SPOCD1: variants seen among roughly 807,000 people sequenced by gnomAD.
The protein encoded by SPOCD1 is SPOC domain-containing protein 1.
In SPOCD1, 64 loss-of-function variants were observed where a neutral mutation model predicts 92.2. The observed-to-expected ratio is 0.69, with a 90% CI of 0.57 to 0.86. SPOCD1 has a LOEUF of 0.86. Ranked by LOEUF, SPOCD1 falls within the 40% of genes least tolerant of loss-of-function variation. The pLI is 0.00. For synonymous variants in SPOCD1, 578 were observed against 619.3 expected (o/e 0.93, Z 0.99); for missense variants, 1,360 against 1,543.1 (o/e 0.88, Z 1.99).
rs755833869 is a variant in SPOCD1, at chr1:31,790,901, C to T, written c.3353G>A (p.Arg1118His). The T allele has an allele frequency of 4.2e-5, 66 of 1,582,928 alleles. No homozygotes were observed. Among genetic ancestry groups the T allele is most frequent in the Admixed American group, 8.9e-5 (5 of 55,988 alleles). ...TACTGAATAGGGATGCTGGGACTGG[C>T]GCAAGCCTGGCTCTGGGGGCCACTG... ...RGQWPPEPGL[R>H]QSQHPYSVAP... The change falls in exon 16 of 16, where the codon CGC becomes CAC. Residue 1118 changes from arginine to histidine, a missense_variant. Physicochemically the swap from Arg to His is conservative, Grantham distance 29. Around this residue, in one of 3 missense-constraint regions of SPOCD1, gnomAD observed 614 missense variants for 757.8 expected, o/e 0.81. Transcript: ENST00000360482.
Position 31,814,402 on chromosome 1 carries a change from C to G in SPOCD1, c.932G>C (p.Gly311Ala). The change falls in exon 2 of 16, where the codon GGA becomes GCA. Residue 311 changes from glycine to alanine, a missense_variant. Gly to Ala is a moderately conservative substitution (Grantham distance 60). Transcript: ENST00000360482. This position sits in a 1 kb window ranked among gnomAD's most constrained non-coding sequence, Gnocchi z 4.2. ...CGPVGFPVPS[G>A]GESLSSAAQA... is the part of the protein sequence containing the mutation. Reference sequence around the variant, plus strand: ...TGCAGCTGAACTGAGGGACTCCCCTCCACTGGGCACTGGGAACCCGACAGG... The same window carrying G: ...TGCAGCTGAACTGAGGGACTCCCCTGCACTGGGCACTGGGAACCCGACAGG... 1.2e-6 allele frequency: 2 copies of G among 1,609,366 alleles called. No homozygotes were observed. The highest frequency in any genetic ancestry group is 1.7e-6 in the Non-Finnish European group (2 of 1,177,922).
Position 31,798,188 on chromosome 1 carries a change from G to T in SPOCD1, c.2145+19C>A. Reference sequence around the variant, plus strand: ...GCCCCTACATCCCCTCACCCATCCCGACTGGGCTCAGCACTCACCCTTTTC... The same window carrying T: ...GCCCCTACATCCCCTCACCCATCCCTACTGGGCTCAGCACTCACCCTTTTC... On this transcript the variant is annotated intron_variant, in intron 9 of 15. Coordinates refer to ENST00000360482, the MANE Select transcript of SPOCD1 (RefSeq NM_144569.7). This position sits in a 1 kb window ranked among gnomAD's most constrained non-coding sequence, Gnocchi z 4.1. 6.3e-7 allele frequency: 1 copy of T among 1,597,128 alleles called. No homozygotes were observed. The highest frequency in any genetic ancestry group is 8.6e-7 in the Non-Finnish European group (1 of 1,164,850).
chr1:31,794,373 CAT>C, intron 10 of SPOCD1, 138 bp from the exon 11 acceptor site: 1 of 506,048 alleles, frequency 2.0e-6, no homozygotes, highest in South Asian at 4.1e-5. Flanking sequence ...ACTGTGAACT[CAT>C]AAAGAAAATT....
At chr1:31,813,830 G>C (rs1452827381) in intron 2 of SPOCD1, 121 bp downstream of exon 2, 2 of 859,134 alleles carry the variant, frequency 2.3e-6, no homozygotes, top group Non-Finnish European at 3.4e-6. Flanking sequence ...TTAGTTAATA[G>C]GGATGTGAGA....
At position 31,799,501 on chromosome 1, in the gene SPOCD1, G is replaced by A. The variant is rs375588501; in HGVS notation, c.1784-16C>T. ...TGGAGCTGAGCTGTAGGGAGAGAGC[G>A]TCACAGGCTCCCAGGGGTGCCCAGG... On this transcript the variant is annotated splice_polypyrimidine_tract_variant and intron_variant, in intron 6 of 15. Coordinates refer to ENST00000360482, the MANE Select transcript of SPOCD1 (RefSeq NM_144569.7). The A allele has an allele frequency of 3.6e-5, 57 of 1,603,926 alleles. No individual in the cohort carries two copies. The highest frequency in any genetic ancestry group is 1.6e-4 in the Middle Eastern group (1 of 6,076).
At chr1:31,795,363 A>G (rs1231835182) in intron 10 of SPOCD1, 1 of 152,238 alleles carries the variant, frequency 6.6e-6, no homozygotes, top group African/African-American at 2.4e-5. Flanking sequence ...CCTTGGTGCC[A>G]GGTTCCTCAT....
chr1:31,798,522 C>T lies in SPOCD1; in HGVS notation c.1948G>A (p.Asp650Asn). The T allele has an allele frequency of 1.2e-6, 2 of 1,613,964 alleles. No homozygotes were observed. Among genetic ancestry groups the T allele is most frequent in the Non-Finnish European group, 8.5e-7 (1 of 1,180,026 alleles). The change falls in exon 8 of 16, where the codon GAC becomes AAC. Residue 650 changes from aspartate to asparagine, a missense_variant. Asp to Asn is a conservative substitution (Grantham distance 23). Transcript: ENST00000360482. The surrounding 1 kb of genome is among the most constrained non-coding windows in gnomAD (Gnocchi z 4.1). ...IAAGIEAALW[D>N]LTQGTNGRYK... ...CGGCCATTGGTGCCTTGTGTCAGGTCCCAGAGGGCTGCCTCAATGCCAGCA... is the reference window on the plus strand; with the variant it reads ...CGGCCATTGGTGCCTTGTGTCAGGTTCCAGAGGGCTGCCTCAATGCCAGCA...
chr1:31,811,691 T>C (rs1039614124), intron 2 of SPOCD1, among the ~76,000 whole-genome samples: 22 of 152,272 alleles, frequency 1.4e-4, no homozygotes, highest in Middle Eastern at 3.4e-3. Context: ...GTGCCCCCCA[T>C]TGCCCAGGCC....
intron 3 of SPOCD1, among the ~76,000 whole-genome samples, chr1:31,801,096 CTTACACTCTGTAAGGCTGCTGA>C (rs1648435321): frequency 6.6e-6 from 1 of 152,200 alleles, no homozygotes; most frequent in Non-Finnish European, 1.5e-5. Flanking sequence ...ATCTGTAAGG[CTTACACTCTGTAAGGCTGCTGA>C]TCACTCCCCT....
At chr1:31,801,828 C>CA (rs772746749) in intron 2 of SPOCD1, 123 bp from the exon 3 acceptor site, 50 of 831,514 alleles carry the variant, frequency 6.0e-5, no homozygotes, top group Non-Finnish European at 9.8e-5. Context: ...CTGAGTTGTA[C>CA]TTACAGCAAA....
chr1:31,800,194 T>C, intron 4 of SPOCD1, 53 bp from the exon 5 acceptor site: 1 of 1,532,932 alleles, frequency 6.5e-7, no homozygotes, highest in Non-Finnish European at 8.7e-7. Flanking sequence ...CCAGGGACTG[T>C]TCCCTCCCCA....
In SPOCD1 at chr1:31,790,852, G is replaced by A; in HGVS notation, c.3402C>T (p.Gly1134=). 1.9e-6 allele frequency: 3 copies of A among 1,551,616 alleles called. No individual in the cohort carries two copies. The highest frequency in any genetic ancestry group is 1.4e-5 in the African/African-American group (1 of 73,248). ...AGTCCCTGTGGAAGTGCTGGCCACG[G>A]CCAAAGCCATGACCAGCTGGTGCTA... The part of the protein sequence containing the change: ...YSVAPAGHGF[G]RGQHFHRDSC... Residue 1134 remains glycine (G), a synonymous_variant, in exon 16 of 16, where the codon GGC becomes GGT. Transcript: ENST00000360482.
chr1:31,814,137 G>A lies in SPOCD1; in HGVS notation c.1197C>T (p.Ser399=), dbSNP rs771140519. Residue 399 remains serine (S), a synonymous_variant, in exon 2 of 16, where the codon TCC becomes TCT. Transcript: ENST00000360482. The surrounding 1 kb of genome is among the most constrained non-coding windows in gnomAD (Gnocchi z 4.2). ...SSREPLGGLS[S]SLDTEASRAC... ...CCCTGCTGGCTTCAGTATCCAGGGA[G>A]GAGCTGAGGCCGCCCAAGGGCTCCC... The A allele has an allele frequency of 3.1e-6, 5 of 1,594,158 alleles. No individual in the cohort carries two copies. The highest frequency in any genetic ancestry group is 2.2e-5 in the South Asian group (2 of 89,516).
intron 4 of SPOCD1, 55 bp from the exon 5 acceptor site, chr1:31,800,196 C>T (rs1648348315): frequency 1.3e-6 from 2 of 1,531,914 alleles, no homozygotes; most frequent in Admixed American, 2.3e-5. Flanking sequence ...AGGGACTGTT[C>T]CCTCCCCAGA....
At chr1:31,792,002 T>G (rs149232296) in intron 15 of SPOCD1, 2 of 603,036 alleles carry the variant, frequency 3.3e-6, no homozygotes, top group African/African-American at 3.7e-5. Context: ...ACTACAAGAA[T>G]TCATCTAGGT....
In SPOCD1 at chr1:31,800,084, G is replaced by T. The variant is rs1342197008; in HGVS notation, c.1660C>A (p.Pro554Thr). 4 of 1,606,374 alleles carry T rather than the reference G, an allele frequency of 2.5e-6. No individual in the cohort carries two copies. Among genetic ancestry groups the T allele is most frequent in the Admixed American group, 3.5e-5 (2 of 57,040 alleles). Residue 554 changes from proline to threonine, a missense_variant, in exon 5 of 16, where the codon CCC becomes ACC. By Grantham distance (38) the Pro-to-Thr change is conservative. This residue lies in a region of SPOCD1 where 606 missense variants were observed against 601.5 expected (regional missense o/e 1.01). Coordinates refer to ENST00000360482, the MANE Select transcript of SPOCD1 (RefSeq NM_144569.7). ...GAACCGCTTCTTGGAGGGTAGAAGG[G>T]GTCAGAGAGGCCACCAGGGTCCCCT... Reference protein sequence around the residue: ...TAGDPGGLSDPFYPPRSGSLA... With the variant: ...TAGDPGGLSDTFYPPRSGSLA...
intron 2 of SPOCD1, among the ~76,000 whole-genome samples, chr1:31,806,278 C>A (rs186667663): frequency 6.6e-6 from 1 of 151,982 alleles, no homozygotes; most frequent in Admixed American, 6.6e-5. Flanking sequence ...TAAATATATA[C>A]GGAATATTAA....
intron 13 of SPOCD1, 43 bp downstream of exon 13, chr1:31,793,235 G>T: frequency 6.5e-7 from 1 of 1,546,810 alleles, no homozygotes; most frequent in South Asian, 1.2e-5. Context: ...TGCCTGGGCT[G>T]GTCAGTGTGT....
Position 31,814,916 on chromosome 1 carries a change from CA to C in SPOCD1, c.417del (p.Ala140LeufsTer20), listed in dbSNP as rs1308988440. On this transcript the variant is annotated frameshift_variant, in exon 2 of 16. Transcript: ENST00000360482. LOFTEE classifies it high-confidence loss of function. The surrounding 1 kb of genome is among the most constrained non-coding windows in gnomAD (Gnocchi z 4.2). The stretch of plus-strand genomic sequence containing the variant: ...GCCAGAGCTCTCTCTGGGAGGCCAG[CA>C]GACCTGCTACAAAGTTTCCTGGGGC... ...DSCPRKLCSR[S>X]AGLPERALAC... is the part of the protein sequence containing the mutation. 10 of 1,613,774 alleles carry C rather than the reference CA, an allele frequency of 6.2e-6. No homozygotes were observed. Among genetic ancestry groups the C allele is most frequent in the Non-Finnish European group, 8.5e-6 (10 of 1,180,020 alleles).
Sources: allele counts gnomAD v4.1 joint callset (sites outside exome capture counted in the v4.1 genomes callset), GRCh38; gene constraint gnomAD v4.1.1; regional missense constraint gnomAD v4.1.1; non-coding constraint Gnocchi (gnomAD v3.1); transcripts MANE v1.5; gene names NCBI Gene and HGNC (gene_info 2026-07-23, HGNC 2026-07-21).